ANO3: variants seen among roughly 807,000 people sequenced by gnomAD.
ANO3 encodes anoctamin 3.
ANO3 carries 99 observed loss-of-function variants against 144.8 expected under a neutral mutation model. That is an observed-to-expected ratio of 0.68 (90% CI 0.58 to 0.81). The LOEUF is 0.81. Ranked by LOEUF, ANO3 falls within the 30% of genes least tolerant of loss-of-function variation. The pLI is 0.00. For synonymous variants in ANO3, 414 were observed against 392.6 expected, an observed-to-expected ratio of 1.05 and a Z score of -0.64; for missense variants, 905 against 1,202.2, an observed-to-expected ratio of 0.75 and a Z score of 3.66.
At chr11:26,552,130 G>T (rs756872485) in intron 12 of ANO3, among the ~76,000 whole-genome samples, 6 of 151,856 alleles carry the variant, frequency 4.0e-5, no homozygotes, top group Non-Finnish European at 8.8e-5. Context: ...TCTTTTTACT[G>T]GAGATAATTG....
At chr11:26,413,791 G>A (rs748696621) in intron 1 of ANO3, among the ~76,000 whole-genome samples, 81 of 152,070 alleles carry the variant, frequency 5.3e-4, no homozygotes, top group Non-Finnish European at 6.0e-4. Context: ...CATGCACAAT[G>A]GCTATGTTCA....
intron 1 of ANO3, among the ~76,000 whole-genome samples, chr11:26,211,201 A>T: frequency 6.6e-6 from 1 of 152,152 alleles, no homozygotes; most frequent in Non-Finnish European, 1.5e-5. Flanking sequence ...GGATGAAGAA[A>T]CCCACTCAAA....
At chr11:26,458,135 G>A (rs1859238336) in intron 3 of ANO3, among the ~76,000 whole-genome samples, 1 of 151,930 alleles carries the variant, frequency 6.6e-6, no homozygotes, top group African/African-American at 2.4e-5. Context: ...TTGATGTTCT[G>A]GGCATATGTG....
chr11:26,479,881 T>C (rs137990901), intron 4 of ANO3, among the ~76,000 whole-genome samples: 8 of 152,324 alleles, frequency 5.3e-5, no homozygotes, highest in African/African-American at 1.9e-4. Context: ...TTTCTCTTTA[T>C]TTTGTATCAA....
chr11:26,429,019 C>T (rs1858001182), intron 1 of ANO3, among the ~76,000 whole-genome samples: 1 of 152,150 alleles, frequency 6.6e-6, no homozygotes, highest in African/African-American at 2.4e-5. Flanking sequence ...AAGGGCACAG[C>T]CGTGGCTCAC....
intron 17 of ANO3, among the ~76,000 whole-genome samples, chr11:26,603,651 T>G (rs1376635698): frequency 2.1e-5 from 3 of 141,630 alleles, no homozygotes; most frequent in Non-Finnish European, 4.8e-5. Flanking sequence ...CTTGATTCCA[T>G]TTTTTCTAGA....
At chr11:26,610,306 GC>G (rs1472499341) in intron 17 of ANO3, among the ~76,000 whole-genome samples, 1 of 98,032 alleles carries the variant, frequency 1.0e-5, no homozygotes, top group African/African-American at 3.8e-5. Context: ...GGGATGTTGA[GC>G]ATTTTTTTTT....
At chr11:26,349,734 G>A (rs1209368530) in intron 1 of ANO3, among the ~76,000 whole-genome samples, 2 of 152,040 alleles carry the variant, frequency 1.3e-5, no homozygotes, top group Non-Finnish European at 2.9e-5. Flanking sequence ...ATTTTTAGTA[G>A]AGACGGGGTT....
At chr11:26,291,476 G>T (rs1243898035) in intron 1 of ANO3, among the ~76,000 whole-genome samples, 1 of 152,112 alleles carries the variant, frequency 6.6e-6, no homozygotes, top group Non-Finnish European at 1.5e-5. Context: ...TATTTTGTTT[G>T]TTAGTTGATG....
chr11:26,355,561 TCTTTC>T (rs796563056), intron 1 of ANO3, among the ~76,000 whole-genome samples: 1 of 150,624 alleles, frequency 6.6e-6, no homozygotes, highest in Admixed American at 6.6e-5. Context: ...TTTCTTTCTT[TCTTTC>T]TTTTTTTTTT....
At chr11:26,347,531 A>G (rs932520672) in intron 1 of ANO3, among the ~76,000 whole-genome samples, 1 of 152,202 alleles carries the variant, frequency 6.6e-6, no homozygotes, top group Non-Finnish European at 1.5e-5. Flanking sequence ...TGTGAAAATG[A>G]AATCGTTCTG....
At chr11:26,635,129 G>T in intron 20 of ANO3, 59 bp downstream of exon 20, 1 of 1,441,806 alleles carries the variant, frequency 6.9e-7, no homozygotes. Context: ...CAGTTACTGC[G>T]GGAGGAAGGG....
intron 1 of ANO3, among the ~76,000 whole-genome samples, chr11:26,353,267 A>T (rs1295761119): frequency 6.6e-6 from 1 of 152,162 alleles, no homozygotes; most frequent in Non-Finnish European, 1.5e-5. Flanking sequence ...TGAGTGTATA[A>T]TGACATCCTA....
At chr11:26,295,679 A>G (rs1854072749) in intron 1 of ANO3, among the ~76,000 whole-genome samples, 1 of 152,194 alleles carries the variant, frequency 6.6e-6, no homozygotes, top group Non-Finnish European at 1.5e-5. Flanking sequence ...CAGATGTGAA[A>G]TAGAGCACCT....
intron 1 of ANO3, among the ~76,000 whole-genome samples, chr11:26,242,634 TAGC>T (rs1186125233): frequency 6.6e-6 from 1 of 152,222 alleles, no homozygotes; most frequent in Non-Finnish European, 1.5e-5. Context: ...AGTTTTATAA[TAGC>T]AGTAAAGATA....
chr11:26,213,345 G>A (rs1228698153), intron 1 of ANO3, among the ~76,000 whole-genome samples: 4 of 152,022 alleles, frequency 2.6e-5, no homozygotes, highest in African/African-American at 4.8e-5. Flanking sequence ...AAAATTGTCT[G>A]TGTTTGCAGA....
At chr11:26,243,430 T>C (rs1228364753) in intron 1 of ANO3, among the ~76,000 whole-genome samples, 1 of 151,764 alleles carries the variant, frequency 6.6e-6, no homozygotes, top group Non-Finnish European at 1.5e-5. Context: ...TACAATTCTC[T>C]GATTTACAAA....
At chr11:26,646,376 A>G (rs1853346912) in intron 23 of ANO3, among the ~76,000 whole-genome samples, 1 of 152,146 alleles carries the variant, frequency 6.6e-6, no homozygotes, top group South Asian at 2.1e-4. Flanking sequence ...AGTACATATC[A>G]TATATATGTG....
chr11:26,424,295 G>GT (rs141425934), intron 1 of ANO3, among the ~76,000 whole-genome samples: 42 of 149,478 alleles, frequency 2.8e-4, no homozygotes, highest in Admixed American at 1.1e-3. Flanking sequence ...CTATATGTCA[G>GT]TTTTTTTTTC....
Sources: gnomAD v4.1 joint callset for allele counts (sites outside exome capture counted in the v4.1 genomes callset) on GRCh38, gnomAD v4.1.1 for gene constraint, MANE v1.5 for transcripts, NCBI Gene and HGNC (gene_info 2026-07-23, HGNC 2026-07-21) for gene names.